STAC: variants seen among roughly 807,000 people sequenced by gnomAD.
STAC encodes the protein SH3 and cysteine-rich domain-containing protein.
In STAC, 43 loss-of-function variants were observed where a neutral mutation model predicts 48.8. The observed-to-expected ratio is 0.88, with a 90% CI of 0.69 to 1.14. The LOEUF (loss-of-function observed/expected upper bound fraction) is 1.14, where lower values mean the gene tolerates loss of function less well. Ranked by LOEUF, STAC falls within the 50% of genes most tolerant of loss-of-function variation. STAC has a pLI of 0.00. For synonymous variants in STAC, 193 were observed against 179.5 expected (o/e 1.07, Z -0.60); for missense variants, 497 against 504.0 (o/e 0.99, Z 0.13).
At chr3:36,536,656 C>A (rs1699204667) in intron 10 of STAC, among the ~76,000 whole-genome samples, 1 of 151,892 alleles carries the variant, frequency 6.6e-6, no homozygotes, top group Admixed American at 6.6e-5. Flanking sequence ...AAAGCAATTG[C>A]AACAAAAGCA....
intron 5 of STAC, among the ~76,000 whole-genome samples, chr3:36,488,821 T>C (rs74640790): frequency 0.024 from 3,665 of 152,266 alleles, 56 homozygotes; most frequent in African/African-American, 0.037. Context: ...CAGTACCCCC[T>C]GATTTATCGA....
In STAC at chr3:36,528,945, G is replaced by C. The variant is rs924265203; in HGVS notation, c.1070G>C (p.Gly357Ala). ...TTTAGATGTGTTAGAACCTTCATTGGGTGTAAGGAACAGGGGCAGATAACA... is the reference window on the plus strand; with the variant it reads ...TTTAGATGTGTTAGAACCTTCATTGCGTGTAAGGAACAGGGGCAGATAACA... ...KIFRCVRTFI[G>A]CKEQGQITLK... The change falls in exon 10 of 11, where the codon GGG becomes GCG. Residue 357 changes from glycine to alanine, a missense_variant. Transcript: ENST00000273183. The C allele has an allele frequency of 1.9e-6, 3 of 1,613,138 alleles. No individual in the cohort carries two copies. Among genetic ancestry groups the C allele is most frequent in the Non-Finnish European group, 1.7e-6 (2 of 1,179,488 alleles).
Position 36,501,071 on chromosome 3 carries a change from G to T in STAC, c.767-3322G>T, listed in dbSNP as rs903984256. ...TGTGCCACTGCTCTCCAGCCTGGGC[G>T]ACAGAACAAGACCTTGTCTCAAAAA... On this transcript the variant is annotated intron_variant, in intron 6 of 10. Transcript: ENST00000273183. 7.2e-5 allele frequency among the ~76,000 whole-genome samples: 11 copies of T among 152,260 alleles called. No homozygotes were observed. The East Asian group carries it at 1.4e-3, about 19-fold the overall frequency.
chr3:36,530,841 A>G (rs1388883438), intron 10 of STAC, among the ~76,000 whole-genome samples: 3 of 151,752 alleles, frequency 2.0e-5, no homozygotes, highest in Admixed American at 6.6e-5. Flanking sequence ...CAGGTGATCC[A>G]CCCGCCTCGG....
chr3:36,416,628 T>C (rs1475020712), intron 1 of STAC, among the ~76,000 whole-genome samples: 1 of 152,316 alleles, frequency 6.6e-6, no homozygotes, highest in South Asian at 2.1e-4. Flanking sequence ...CTGTGAAAGA[T>C]TGCTTATTCT....
intron 10 of STAC, among the ~76,000 whole-genome samples, chr3:36,544,698 A>G (rs1179009003): frequency 6.6e-6 from 1 of 152,150 alleles, no homozygotes; most frequent in African/African-American, 2.4e-5. Flanking sequence ...TAACAAACAT[A>G]TGAAAAAAGT....
intron 2 of STAC, among the ~76,000 whole-genome samples, chr3:36,476,584 A>T (rs1697500812): frequency 6.6e-6 from 1 of 152,190 alleles, no homozygotes; most frequent in Non-Finnish European, 1.5e-5. Flanking sequence ...TGCTTCAGTG[A>T]TCTCCATGTG....
intron 10 of STAC, among the ~76,000 whole-genome samples, chr3:36,533,485 T>G (rs1441709751): frequency 2.0e-5 from 3 of 149,074 alleles, no homozygotes; most frequent in South Asian, 4.3e-4. Context: ...GTTTTTTTTT[T>G]TTTTTTTTTT....
intron 1 of STAC, among the ~76,000 whole-genome samples, chr3:36,441,154 T>C (rs1696336017): frequency 6.6e-6 from 1 of 152,232 alleles, no homozygotes; most frequent in Non-Finnish European, 1.5e-5. Context: ...TGTTGTTAAC[T>C]ATAGTTATCC....
chr3:36,399,643 C>A (rs879703717), intron 1 of STAC, among the ~76,000 whole-genome samples: 1 of 152,150 alleles, frequency 6.6e-6, no homozygotes, highest in Non-Finnish European at 1.5e-5. Flanking sequence ...CCTAAGACAG[C>A]CTTAGTGATC....
intron 1 of STAC, among the ~76,000 whole-genome samples, chr3:36,411,117 T>C (rs1031055800): frequency 4.6e-5 from 7 of 152,192 alleles, no homozygotes; most frequent in Non-Finnish European, 1.0e-4. Context: ...TTGGCTACTC[T>C]CTTTTCCTCA....
intron 5 of STAC, among the ~76,000 whole-genome samples, chr3:36,490,040 C>T (rs1575235634): frequency 1.3e-5 from 2 of 152,216 alleles, no homozygotes; most frequent in Admixed American, 6.5e-5. Context: ...TTCTGATGCA[C>T]ATTAAAGTTG....
At chr3:36,425,273 A>G (rs894258884) in intron 1 of STAC, among the ~76,000 whole-genome samples, 3 of 152,350 alleles carry the variant, frequency 2.0e-5, no homozygotes, top group African/African-American at 7.2e-5. Context: ...AACCAAGAAG[A>G]GCATATCGCT....
At chr3:36,438,022 T>TC (rs1575199369) in intron 1 of STAC, among the ~76,000 whole-genome samples, 1 of 151,502 alleles carries the variant, frequency 6.6e-6, no homozygotes, top group East Asian at 1.9e-4. Context: ...CACTGCAACC[T>TC]TGCCTCCCAG....
At chr3:36,526,740 G>T (rs770794336) in intron 8 of STAC, among the ~76,000 whole-genome samples, 7 of 152,168 alleles carry the variant, frequency 4.6e-5, no homozygotes, top group Non-Finnish European at 7.3e-5. Context: ...TAAAGAAAAA[G>T]AACCCATGCC....
At chr3:36,401,903 G>C (rs1249897585) in intron 1 of STAC, among the ~76,000 whole-genome samples, 1 of 152,162 alleles carries the variant, frequency 6.6e-6, no homozygotes, top group Non-Finnish European at 1.5e-5. Flanking sequence ...GAAGGGGAAA[G>C]GGGATGGACA....
At chr3:36,535,882 A>C (rs960663851) in intron 10 of STAC, among the ~76,000 whole-genome samples, 1 of 152,140 alleles carries the variant, frequency 6.6e-6, no homozygotes. Flanking sequence ...GTATTTTACC[A>C]AGGATTTTTA....
intron 6 of STAC, among the ~76,000 whole-genome samples, chr3:36,499,049 C>T (rs1698221032): frequency 6.6e-6 from 1 of 152,066 alleles, no homozygotes; most frequent in South Asian, 2.1e-4. Flanking sequence ...TGATTCTTAA[C>T]CTAGAATTGT....
At chr3:36,495,274 G>A (rs1698116296) in intron 6 of STAC, among the ~76,000 whole-genome samples, 1 of 152,172 alleles carries the variant, frequency 6.6e-6, no homozygotes. Context: ...TTCATCTTCA[G>A]TATTAGGCTT....
Sources: allele counts gnomAD v4.1 joint callset (sites outside exome capture counted in the v4.1 genomes callset), GRCh38; gene constraint gnomAD v4.1.1; transcripts MANE v1.5; gene names NCBI Gene and HGNC (gene_info 2026-07-23, HGNC 2026-07-21).